LRMDA: variants seen among roughly 807,000 people sequenced by gnomAD.
LRMDA encodes the protein leucine-rich melanocyte differentiation-associated protein.
LRMDA carries 18 observed loss-of-function variants against 29.8 expected under a neutral mutation model. That is an observed-to-expected ratio of 0.60 (90% CI 0.42 to 0.90). The LOEUF (loss-of-function observed/expected upper bound fraction) is 0.90, where lower values mean the gene tolerates loss of function less well. Ranked by LOEUF, LRMDA falls within the 40% of genes least tolerant of loss-of-function variation. The probability of loss-of-function intolerance (pLI) is 0.00; values close to 1 mark genes in which losing one functional copy is unlikely to be tolerated. For synonymous variants in LRMDA, 125 were observed against 109.4 expected (o/e 1.14, Z -0.89); for missense variants, 273 against 273.9 (o/e 1.00, Z 0.02).
At chr10:75,974,366 C>T (rs1847034042) in intron 2 of LRMDA, among the ~76,000 whole-genome samples, 1 of 152,174 alleles carries the variant, frequency 6.6e-6, no homozygotes, top group Non-Finnish European at 1.5e-5. Context: ...TTAGTCATTT[C>T]CTTTCTGGAG....
chr10:76,533,937 A>G (rs993277101), intron 6 of LRMDA, among the ~76,000 whole-genome samples: 1 of 152,222 alleles, frequency 6.6e-6, no homozygotes, highest in Non-Finnish European at 1.5e-5. Context: ...TGACTGCAGT[A>G]GACTGTAGAC....
intron 5 of LRMDA, among the ~76,000 whole-genome samples, chr10:76,114,473 G>A (rs16932867): frequency 0.027 from 4,110 of 152,204 alleles, 200 homozygotes; most frequent in African/African-American, 0.094. Context: ...GTGAAAAAGG[G>A]CCCATCCTGG....
chr10:75,929,295 A>ATGTGTGTGTGTGTG (rs151109175), intron 2 of LRMDA, among the ~76,000 whole-genome samples: 2,049 of 151,098 alleles, frequency 0.014, 22 homozygotes, highest in Middle Eastern at 0.031. Flanking sequence ...TGCATGATCT[A>ATGTGTGTGTGTGTG]TGTGTGTGTG....
At chr10:75,975,777 G>C (rs1439667611) in intron 2 of LRMDA, among the ~76,000 whole-genome samples, 1 of 152,196 alleles carries the variant, frequency 6.6e-6, no homozygotes, top group East Asian at 1.9e-4. Context: ...GTCTCAGGCT[G>C]ATGAGCATCC....
intron 2 of LRMDA, among the ~76,000 whole-genome samples, chr10:75,520,827 C>A (rs557253449): frequency 1.3e-5 from 2 of 152,244 alleles, no homozygotes; most frequent in African/African-American, 4.8e-5. Context: ...TTTTATCTAC[C>A]TTTGGTCTTT....
At chr10:76,453,056 A>G (rs1169977496) in intron 6 of LRMDA, among the ~76,000 whole-genome samples, 2 of 152,224 alleles carry the variant, frequency 1.3e-5, no homozygotes, top group Non-Finnish European at 2.9e-5. Context: ...ATGAATGATA[A>G]GTAATATTCT....
chr10:76,120,282 G>A (rs566521239), intron 5 of LRMDA, among the ~76,000 whole-genome samples: 13 of 151,034 alleles, frequency 8.6e-5, no homozygotes, highest in Non-Finnish European at 1.0e-4. Flanking sequence ...TCTGCCTCCC[G>A]GGTTCAAGTG....
chr10:75,645,564 A>T (rs1271216088), intron 2 of LRMDA, among the ~76,000 whole-genome samples: 2 of 151,984 alleles, frequency 1.3e-5, no homozygotes, highest in Non-Finnish European at 2.9e-5. Flanking sequence ...GTTAGACTTG[A>T]TGCTGTGGGT....
chr10:76,282,786 A>C (rs1053953989), intron 5 of LRMDA, among the ~76,000 whole-genome samples: 17 of 152,288 alleles, frequency 1.1e-4, no homozygotes, highest in African/African-American at 4.1e-4. Flanking sequence ...AGAAGGCCAA[A>C]GATTGAAGTC....
At chr10:75,857,128 A>G (rs1844841170) in intron 2 of LRMDA, among the ~76,000 whole-genome samples, 1 of 152,210 alleles carries the variant, frequency 6.6e-6, no homozygotes, top group African/African-American at 2.4e-5. Flanking sequence ...TATCCAATAA[A>G]TGGGGATCGA....
chr10:76,034,932 C>G (rs1848215320), intron 2 of LRMDA, among the ~76,000 whole-genome samples: 1 of 152,072 alleles, frequency 6.6e-6, no homozygotes, highest in Non-Finnish European at 1.5e-5. Context: ...GTGTAAGCCC[C>G]TCTGCCGGCC....
chr10:75,989,096 C>G (rs189120073), intron 2 of LRMDA, among the ~76,000 whole-genome samples: 2 of 152,308 alleles, frequency 1.3e-5, no homozygotes, highest in East Asian at 1.9e-4. Flanking sequence ...GAATCCAACT[C>G]CACAAGGGCT....
intron 2 of LRMDA, among the ~76,000 whole-genome samples, chr10:75,523,800 TC>T (rs1263090481): frequency 6.6e-6 from 1 of 152,160 alleles, no homozygotes; most frequent in East Asian, 1.9e-4. Context: ...TCTCCCTTCT[TC>T]CCTGCATCCT....
chr10:76,520,440 A>C (rs1843107198), intron 6 of LRMDA, among the ~76,000 whole-genome samples: 1 of 152,128 alleles, frequency 6.6e-6, no homozygotes, highest in South Asian at 2.1e-4. Flanking sequence ...GACGTCAACT[A>C]TTCTTTTTAA....
chr10:76,432,623 C>A (rs1032739416), intron 6 of LRMDA, among the ~76,000 whole-genome samples: 1 of 152,126 alleles, frequency 6.6e-6, no homozygotes, highest in African/African-American at 2.4e-5. Context: ...AGGAAAATAT[C>A]ATTTAATGAA....
intron 2 of LRMDA, among the ~76,000 whole-genome samples, chr10:75,806,360 C>G (rs1368355292): frequency 6.6e-6 from 1 of 152,178 alleles, no homozygotes; most frequent in Admixed American, 6.5e-5. Flanking sequence ...GAATTCATAT[C>G]TCTTGTACTT....
chr10:76,557,051 T>G (rs573769963), intron 6 of LRMDA, among the ~76,000 whole-genome samples, 158 bp from the exon 7 acceptor site: 6 of 152,298 alleles, frequency 3.9e-5, no homozygotes, highest in African/African-American at 1.4e-4. Context: ...TTCTTGTCTG[T>G]GAGGACAAAA....
At position 76,201,320 on chromosome 10, in the gene LRMDA, C is replaced by T. The variant is rs112117109; in HGVS notation, c.517-123081C>T. ...ATATTGTCTGGGCTGGTCTCAAACTCTTGACCTCATGATCCGCCTGTCTTG... is the reference window on the plus strand; with the variant it reads ...ATATTGTCTGGGCTGGTCTCAAACTTTTGACCTCATGATCCGCCTGTCTTG... On this transcript the variant is annotated intron_variant, in intron 5 of 6. Transcript: ENST00000611255. Among the ~76,000 whole-genome samples, 366 of 151,908 alleles carry T rather than the reference C, an allele frequency of 2.4e-3. 2 individuals carry two copies. The highest frequency in any genetic ancestry group is 3.8e-3 in the Non-Finnish European group (255 of 67,980).
intron 5 of LRMDA, among the ~76,000 whole-genome samples, chr10:76,157,611 C>G (rs945442116): frequency 6.6e-6 from 1 of 151,496 alleles, no homozygotes; most frequent in Admixed American, 6.6e-5. Context: ...GAAATACTGT[C>G]TCTTAAAAAC....
Sources: gnomAD v4.1 joint callset for allele counts (sites outside exome capture counted in the v4.1 genomes callset) on GRCh38, gnomAD v4.1.1 for gene constraint, MANE v1.5 for transcripts, NCBI Gene and HGNC (gene_info 2026-07-23, HGNC 2026-07-21) for gene names.